CDH12: variants seen among roughly 807,000 people sequenced by gnomAD.
The protein encoded by CDH12 is cadherin 12, also known as cadherin-12.
A neutral mutation model predicts 74.1 loss-of-function variants in CDH12; 41 were observed. That is an observed-to-expected ratio of 0.55 (90% confidence interval 0.43 to 0.72). The LOEUF is 0.72. Ranked by LOEUF, CDH12 falls within the 30% of genes least tolerant of loss-of-function variation. The pLI, the probability that CDH12 is intolerant of heterozygous loss-of-function variation, is 0.00. For missense variants in CDH12, 945 were observed against 977.2 expected, an observed-to-expected ratio of 0.97 and a Z score of 0.44; for synonymous variants, 399 against 355.0, an observed-to-expected ratio of 1.12 and a Z score of -1.39.
chr5:22,318,607 A>G (rs1054000237), intron 3 of CDH12, among the ~76,000 whole-genome samples: 3 of 152,230 alleles, frequency 2.0e-5, no homozygotes, highest in Non-Finnish European at 4.4e-5. Context: ...TCCAAGTAAC[A>G]GGAATCAAGC....
intron 1 of CDH12, among the ~76,000 whole-genome samples, chr5:22,508,503 C>T (rs565290538): frequency 1.2e-4 from 18 of 152,118 alleles, no homozygotes; most frequent in Non-Finnish European, 2.1e-4. Flanking sequence ...AGATCTTTTT[C>T]TTCCAGGCCT....
intron 5 of CDH12, among the ~76,000 whole-genome samples, chr5:22,007,106 T>C (rs2150149167): frequency 6.6e-6 from 1 of 152,296 alleles, no homozygotes; most frequent in South Asian, 2.1e-4. Flanking sequence ...AGAAAATCTC[T>C]ATTCTTGGAT....
intron 4 of CDH12, among the ~76,000 whole-genome samples, chr5:22,085,698 A>T (rs1743017215): frequency 6.6e-6 from 1 of 152,042 alleles, no homozygotes; most frequent in African/African-American, 2.4e-5. Flanking sequence ...CCATATTATT[A>T]AAAAAAATCA....
At chr5:22,204,158 GTTTGTTTTTTTTTT>G (rs757474329) in intron 4 of CDH12, among the ~76,000 whole-genome samples, 989 of 32,748 alleles carry the variant, frequency 0.03, 14 homozygotes, top group Non-Finnish European at 0.034. Context: ...GTTTTGTTTT[GTTTGTTTTTTTTTT>G]TTTGTTTTTT....
intron 3 of CDH12, among the ~76,000 whole-genome samples, chr5:22,241,511 A>G (rs988801496): frequency 3.0e-4 from 45 of 151,982 alleles, no homozygotes; most frequent in Admixed American, 7.2e-4. Context: ...TTTATAGTCT[A>G]TAGTTTGTAA....
At chr5:22,564,530 T>A (rs1739203713) in intron 1 of CDH12, among the ~76,000 whole-genome samples, 1 of 152,222 alleles carries the variant, frequency 6.6e-6, no homozygotes, top group African/African-American at 2.4e-5. Context: ...AATTTGCATT[T>A]CCTCTTTTTG....
chr5:21,914,596 A>C (rs1012414068), intron 6 of CDH12, among the ~76,000 whole-genome samples: 1 of 152,188 alleles, frequency 6.6e-6, no homozygotes, highest in Non-Finnish European at 1.5e-5. Flanking sequence ...CTATAGGGTA[A>C]GCCAGGAGGC....
intron 5 of CDH12, among the ~76,000 whole-genome samples, chr5:21,998,740 G>C (rs1471519452): frequency 6.6e-6 from 1 of 152,108 alleles, no homozygotes; most frequent in South Asian, 2.1e-4. Flanking sequence ...GTGTCTTCTC[G>C]TGTGTCATTT....
chr5:21,833,131 T>A (rs1342559378), intron 8 of CDH12, among the ~76,000 whole-genome samples: 5 of 45,918 alleles, frequency 1.1e-4, no homozygotes, highest in Admixed American at 3.7e-4. Flanking sequence ...TATATTATAT[T>A]ATAAATATAT....
chr5:22,694,875 A>C (rs191885330), intron 1 of CDH12, among the ~76,000 whole-genome samples: 1 of 152,134 alleles, frequency 6.6e-6, no homozygotes, highest in East Asian at 1.9e-4. Context: ...CAGAATGTGC[A>C]GGTTTGTTAC....
intron 4 of CDH12, among the ~76,000 whole-genome samples, chr5:22,161,120 G>A (rs970063954): frequency 6.6e-6 from 1 of 152,064 alleles, no homozygotes; most frequent in African/African-American, 2.4e-5. Context: ...ATAGAATTGA[G>A]CTGTCATAGA....
At chr5:21,786,300 C>T (rs377722226) in intron 10 of CDH12, among the ~76,000 whole-genome samples, 8 of 152,210 alleles carry the variant, frequency 5.3e-5, no homozygotes, top group East Asian at 1.9e-4. Flanking sequence ...ATTACAGGTG[C>T]ATGCCACTAC....
At chr5:22,146,981 A>C (rs1326387507) in intron 4 of CDH12, among the ~76,000 whole-genome samples, 1 of 152,166 alleles carries the variant, frequency 6.6e-6, no homozygotes, top group Non-Finnish European at 1.5e-5. Flanking sequence ...TGTTTATTGC[A>C]AATGGACATA....
chr5:22,198,758 T>G (rs1411020526), intron 4 of CDH12, among the ~76,000 whole-genome samples: 3 of 152,146 alleles, frequency 2.0e-5, no homozygotes, highest in African/African-American at 4.8e-5. Flanking sequence ...CTATCAATTC[T>G]GAATTTTCCT....
intron 1 of CDH12, among the ~76,000 whole-genome samples, chr5:22,594,809 GA>G (rs35779330): frequency 0.28 from 43,033 of 151,928 alleles, 6,234 homozygotes; most frequent in South Asian, 0.34. Context: ...CTGCTGAGGG[GA>G]AAAAATACAA....
At chr5:22,811,301 C>G (rs909799545) in intron 1 of CDH12, among the ~76,000 whole-genome samples, 5 of 152,202 alleles carry the variant, frequency 3.3e-5, no homozygotes, top group South Asian at 2.1e-4. Flanking sequence ...ATTCACTATT[C>G]TTGATCATTT....
intron 7 of CDH12, among the ~76,000 whole-genome samples, chr5:21,853,859 A>G (rs1750604872): frequency 6.6e-6 from 1 of 151,606 alleles, no homozygotes; most frequent in African/African-American, 2.4e-5. Context: ...ATTAAATTCA[A>G]TTTGCAATAT....
chr5:22,541,558 C>T (rs1561479434), intron 1 of CDH12, among the ~76,000 whole-genome samples: 1 of 152,142 alleles, frequency 6.6e-6, no homozygotes, highest in Non-Finnish European at 1.5e-5. Flanking sequence ...ATGAAAGTGC[C>T]TCCTAAGTAA....
At chr5:22,046,015 G>A (rs922912984) in intron 5 of CDH12, among the ~76,000 whole-genome samples, 2 of 151,974 alleles carry the variant, frequency 1.3e-5, no homozygotes, top group African/African-American at 4.8e-5. Flanking sequence ...AAATATGTAC[G>A]TGCCAACTAA....
Sources: gnomAD v4.1 joint callset for allele counts (sites outside exome capture counted in the v4.1 genomes callset) on GRCh38, gnomAD v4.1.1 for gene constraint, MANE v1.5 for transcripts, NCBI Gene and HGNC (gene_info 2026-07-23, HGNC 2026-07-21) for gene names.